The following DPP10 variants were observed in gnomAD, a reference collection of about 807,000 sequenced individuals.
The protein encoded by DPP10 is inactive dipeptidyl peptidase 10.
A neutral mutation model predicts 120.9 loss-of-function variants in DPP10; 33 were observed. That is an observed-to-expected ratio of 0.27 (90% CI 0.21 to 0.37). DPP10 has a LOEUF of 0.37. Among genes scored for constraint, DPP10 ranks in the 10% least tolerant of loss-of-function variants. The probability of loss-of-function intolerance (pLI) is 1.00; values close to 1 mark genes in which losing one functional copy is unlikely to be tolerated. For synonymous variants in DPP10, 337 were observed against 326.1 expected (o/e 1.03, Z -0.36); for missense variants, 816 against 942.8 (o/e 0.87, Z 1.76).
chr2:115,620,269 C>T (rs2084846743), intron 5 of DPP10, among the ~76,000 whole-genome samples: 1 of 152,174 alleles, frequency 6.6e-6, no homozygotes, highest in Non-Finnish European at 1.5e-5. Flanking sequence ...TATTTATGCT[C>T]AAAAGAATGA....
chr2:114,640,814 G>C (rs1695651708), intron 1 of DPP10, among the ~76,000 whole-genome samples: 1 of 151,892 alleles, frequency 6.6e-6, no homozygotes, highest in Admixed American at 6.5e-5. Context: ...ATGTTACAGG[G>C]AAAGGGGAAG....
intron 19 of DPP10, among the ~76,000 whole-genome samples, chr2:115,795,814 T>C (rs1046850538): frequency 1.3e-5 from 2 of 152,162 alleles, no homozygotes; most frequent in African/African-American, 4.8e-5. Context: ...TTAATTAGCA[T>C]CAAGCTTCAG....
chr2:115,591,347 G>A (rs1245280106), intron 5 of DPP10, among the ~76,000 whole-genome samples: 1 of 152,110 alleles, frequency 6.6e-6, no homozygotes, highest in Non-Finnish European at 1.5e-5. Flanking sequence ...TGTAAGGGAG[G>A]GATCCAGTTT....
intron 1 of DPP10, among the ~76,000 whole-genome samples, chr2:114,631,409 G>A (rs1262912736): frequency 6.6e-6 from 1 of 152,084 alleles, no homozygotes; most frequent in African/African-American, 2.4e-5. Flanking sequence ...GAATGAGGGA[G>A]GAGTTAACAG....
chr2:114,561,208 A>G, intron 1 of DPP10, among the ~76,000 whole-genome samples: 1 of 152,176 alleles, frequency 6.6e-6, no homozygotes, highest in South Asian at 2.1e-4. Flanking sequence ...CAAATAGATT[A>G]CTAGTTCAGT....
intron 1 of DPP10, among the ~76,000 whole-genome samples, chr2:115,244,183 G>T (rs1303185884): frequency 1.4e-5 from 2 of 140,868 alleles, no homozygotes; most frequent in African/African-American, 5.3e-5. Context: ...TAAAGCCCTG[G>T]CAGTCTCAGT....
In DPP10 at chr2:115,827,412, GTGTA is replaced by G. The variant is rs1332619251; in HGVS notation, c.1951-8743_1951-8740del. 0.017 allele frequency among the ~76,000 whole-genome samples: 1,393 copies of G among 81,866 alleles called. 71 individuals carry two copies. In the East Asian group the frequency reaches 0.26, roughly 15 times the overall value. The allele number at this position is 81,866 out of a possible 152,430, so 53.7% of individuals were successfully genotyped here. On this transcript the variant is annotated intron_variant, in intron 21 of 25. Coordinates refer to ENST00000410059, the MANE Select transcript of DPP10 (RefSeq NM_020868.6). ...ACTGTGTGTGTGTGTGTATGTGTGT[GTGTA>G]TATATATATATATATATATATATAT...
At chr2:115,793,509 G>T (rs370692199) in intron 19 of DPP10, among the ~76,000 whole-genome samples, 1 of 151,834 alleles carries the variant, frequency 6.6e-6, no homozygotes, top group South Asian at 2.1e-4. Context: ...AACTGCAATT[G>T]CTTTTCTGCC....
At chr2:115,769,324 T>A (rs1449980308) in intron 13 of DPP10, among the ~76,000 whole-genome samples, 1 of 152,084 alleles carries the variant, frequency 6.6e-6, no homozygotes, top group African/African-American at 2.4e-5. Context: ...TTACTAATTT[T>A]ATGTTTTTAG....
At chr2:115,293,086 C>A in intron 1 of DPP10, among the ~76,000 whole-genome samples, 1 of 152,064 alleles carries the variant, frequency 6.6e-6, no homozygotes, top group East Asian at 1.9e-4. Context: ...TACAGATTCA[C>A]ATTAACCAAG....
chr2:114,444,389 T>A (rs142835152), intron 1 of DPP10, among the ~76,000 whole-genome samples: 1 of 152,304 alleles, frequency 6.6e-6, no homozygotes, highest in East Asian at 1.9e-4. Flanking sequence ...TGCCTACTGC[T>A]AAGTATGTCT....
At chr2:115,799,127 A>G (rs1315300628) in intron 19 of DPP10, among the ~76,000 whole-genome samples, 2 of 152,080 alleles carry the variant, frequency 1.3e-5, no homozygotes, top group Non-Finnish European at 2.9e-5. Flanking sequence ...CTTACTTATA[A>G]GAAAATGTGG....
intron 1 of DPP10, among the ~76,000 whole-genome samples, chr2:115,220,256 G>C (rs1399780017): frequency 6.6e-6 from 1 of 152,100 alleles, no homozygotes; most frequent in Non-Finnish European, 1.5e-5. Flanking sequence ...ATTGTTGGTA[G>C]CTATCAAAAT....
intron 16 of DPP10, 146 bp from the exon 17 acceptor site, chr2:115,782,206 T>C: frequency 3.3e-6 from 2 of 613,834 alleles, no homozygotes; most frequent in East Asian, 5.7e-5. Flanking sequence ...TAAATAGGAA[T>C]GAAAGCTAGT....
chr2:115,023,056 A>C (rs1353543564), intron 1 of DPP10, among the ~76,000 whole-genome samples: 4 of 152,214 alleles, frequency 2.6e-5, no homozygotes, highest in South Asian at 4.1e-4. Flanking sequence ...TCTAGAAGAT[A>C]ACATCGGAAA....
rs75126142 is a variant in DPP10, at chr2:115,039,784, T to A, written c.61-269455T>A. 7.7e-3 allele frequency among the ~76,000 whole-genome samples: 1,171 copies of A among 152,222 alleles called. 11 individuals carry two copies. The highest frequency in any genetic ancestry group is 0.027 in the African/African-American group (1,120 of 41,506). On this transcript the variant is annotated intron_variant, in intron 1 of 25. Coordinates refer to ENST00000410059, the MANE Select transcript of DPP10 (RefSeq NM_020868.6). ...CGCACTCTACCCACAAAGAAATGTA[T>A]ACACCCATCAGCAAGTCTCCATTGG...
chr2:114,674,165 T>C (rs998638073), intron 1 of DPP10, among the ~76,000 whole-genome samples: 1 of 150,336 alleles, frequency 6.7e-6, no homozygotes, highest in African/African-American at 2.4e-5. Context: ...ATTGTTAAAA[T>C]ATTTATATAC....
At chr2:115,327,463 C>A (rs913031956) in intron 2 of DPP10, among the ~76,000 whole-genome samples, 3 of 152,028 alleles carry the variant, frequency 2.0e-5, no homozygotes, top group Admixed American at 1.3e-4. Flanking sequence ...TTCTAAAATT[C>A]ATTTTCTTGC....
chr2:114,744,800 C>T (rs903681637), intron 1 of DPP10, among the ~76,000 whole-genome samples: 2 of 151,996 alleles, frequency 1.3e-5, no homozygotes, highest in Non-Finnish European at 2.9e-5. Flanking sequence ...CTCACTCTGT[C>T]GCCCAAGCTG....
Sources: gnomAD v4.1 joint callset for allele counts (sites outside exome capture counted in the v4.1 genomes callset) on GRCh38, gnomAD v4.1.1 for gene constraint, MANE v1.5 for transcripts, NCBI Gene and HGNC (gene_info 2026-07-23, HGNC 2026-07-21) for gene names.